Variants in CHODL observed in about 807,000 individuals in gnomAD.
CHODL encodes the protein chondrolectin.
In CHODL, 29 loss-of-function variants were observed where a neutral mutation model predicts 34.5. The ratio of observed to expected loss-of-function variants is 0.84; its 90% CI spans 0.63 to 1.15. The LOEUF (loss-of-function observed/expected upper bound fraction) is 1.15. Ranked by LOEUF, CHODL falls within the 50% of genes most tolerant of loss-of-function variation. The pLI, the probability that CHODL is intolerant of heterozygous loss-of-function variation, is 0.00. For synonymous variants in CHODL, 125 were observed against 116.1 expected, an observed-to-expected ratio of 1.08 and a Z score of -0.49; for missense variants, 332 against 332.5, an observed-to-expected ratio of 1.00 and a Z score of 0.01.
At chr21:18,132,584 C>G (rs2072670129) in intron 2 of CHODL, among the ~76,000 whole-genome samples, 1 of 152,098 alleles carries the variant, frequency 6.6e-6, no homozygotes, top group Admixed American at 6.6e-5. Context: ...TTTGTCCTCC[C>G]TTAGCTAGAA....
intron 2 of CHODL, among the ~76,000 whole-genome samples, chr21:18,084,627 AGATATTT>A (rs1268850121): frequency 6.6e-6 from 1 of 152,174 alleles, no homozygotes; most frequent in Non-Finnish European, 1.5e-5. Flanking sequence ...TGGTCTGAGA[AGATATTT>A]GATACAATTT....
chr21:17,996,947 C>T (rs372349315), intron 1 of CHODL, among the ~76,000 whole-genome samples: 10 of 151,968 alleles, frequency 6.6e-5, no homozygotes, highest in Admixed American at 1.3e-4. Context: ...TAGCTAAATA[C>T]ATATTACTTT....
At chr21:18,066,110 C>T (rs2064728640) in intron 2 of CHODL, among the ~76,000 whole-genome samples, 1 of 152,122 alleles carries the variant, frequency 6.6e-6, no homozygotes, top group African/African-American at 2.4e-5. Context: ...ATTTCTTTTT[C>T]ATGGCCCCAA....
At chr21:17,974,623 T>C (rs1489115901) in intron 1 of CHODL, among the ~76,000 whole-genome samples, 1 of 152,262 alleles carries the variant, frequency 6.6e-6, no homozygotes, top group Middle Eastern at 3.4e-3. Context: ...CTTTTAACTA[T>C]TGAAAAACGA....
At chr21:18,105,164 T>C (rs1007276258) in intron 2 of CHODL, among the ~76,000 whole-genome samples, 1 of 152,176 alleles carries the variant, frequency 6.6e-6, no homozygotes, top group African/African-American at 2.4e-5. Context: ...TGAGGAATCA[T>C]GAAGTAGTGA....
rs1042193683 is a variant in CHODL, at chr21:18,168,354, C to T, written c.-44-88155C>T. Among the ~76,000 whole-genome samples, 14 of 152,298 alleles carry T rather than the reference C, an allele frequency of 9.2e-5. No individual in the cohort carries two copies. In the East Asian group the frequency reaches 1.2e-3, roughly 13 times the overall value. On this transcript the variant is annotated intron_variant, in intron 2 of 6. Coordinates refer to the CHODL transcript ENST00000400127. ...TAATACATCTGGGGAGGCTGACTAA[C>T]GTGCCTATGGTCATAGTCAGTGGGT... is the stretch of plus-strand genomic sequence containing the variant.
At chr21:18,081,148 G>T (rs1047012103) in intron 2 of CHODL, among the ~76,000 whole-genome samples, 4 of 151,994 alleles carry the variant, frequency 2.6e-5, no homozygotes, top group Non-Finnish European at 5.9e-5. Flanking sequence ...ATCATTATTA[G>T]TGTATAGAAA....
At chr21:18,142,131 T>C (rs1389729585) in intron 2 of CHODL, among the ~76,000 whole-genome samples, 1 of 151,994 alleles carries the variant, frequency 6.6e-6, no homozygotes, top group East Asian at 1.9e-4. Context: ...AGCTAGAAAA[T>C]TGTAATTAAA....
chr21:18,129,364 G>A (rs2072624185), intron 2 of CHODL, among the ~76,000 whole-genome samples: 1 of 152,054 alleles, frequency 6.6e-6, no homozygotes, highest in Non-Finnish European at 1.5e-5. Flanking sequence ...TGCATGACAA[G>A]CCTTATTAAT....
chr21:17,987,444 T>C (rs1331180347), intron 1 of CHODL, among the ~76,000 whole-genome samples: 1 of 152,206 alleles, frequency 6.6e-6, no homozygotes, highest in African/African-American at 2.4e-5. Context: ...TTTGGCATCA[T>C]TAGTGATGTG....
intron 2 of CHODL, among the ~76,000 whole-genome samples, chr21:18,051,068 T>C (rs1322193376): frequency 2.6e-5 from 4 of 151,946 alleles, no homozygotes; most frequent in Admixed American, 6.6e-5. Context: ...CCTAATGCTA[T>C]CCCTTCCCTA....
At chr21:18,086,687 G>A (rs929003312) in intron 2 of CHODL, among the ~76,000 whole-genome samples, 1 of 152,160 alleles carries the variant, frequency 6.6e-6, no homozygotes, top group African/African-American at 2.4e-5. Flanking sequence ...AAGTTTTTCT[G>A]GGAACTTTAT....
chr21:18,114,196 A>T lies in CHODL; in HGVS notation c.-45+86225A>T, dbSNP rs890643366. Among the ~76,000 whole-genome samples, 14 of 152,312 alleles carry T rather than the reference A, an allele frequency of 9.2e-5. No homozygotes were observed. The South Asian group carries it at 2.9e-3, about 32-fold the overall frequency. ...GGATGGTTAACAGATACAAAAATAAAGAAAGAATGAATAAGACCTACTATT... is the reference window on the plus strand; with the variant it reads ...GGATGGTTAACAGATACAAAAATAATGAAAGAATGAATAAGACCTACTATT... On this transcript the variant is annotated intron_variant, in intron 2 of 6. Transcript: ENST00000400127.
chr21:17,946,709 C>T (rs953245101), intron 1 of CHODL, among the ~76,000 whole-genome samples: 1 of 152,080 alleles, frequency 6.6e-6, no homozygotes, highest in South Asian at 2.1e-4. Context: ...TTACCTGGTA[C>T]AAGTAAAGCT....
At chr21:17,974,852 A>C (rs147653618) in intron 1 of CHODL, among the ~76,000 whole-genome samples, 1 of 151,036 alleles carries the variant, frequency 6.6e-6, no homozygotes, top group African/African-American at 2.4e-5. Flanking sequence ...TGTCAGGAGA[A>C]TAGAGATTGC....
intron 1 of CHODL, among the ~76,000 whole-genome samples, chr21:18,006,635 T>C (rs1405704997): frequency 6.6e-6 from 1 of 152,230 alleles, no homozygotes; most frequent in Non-Finnish European, 1.5e-5. Context: ...ATTCTGATCT[T>C]GGAGTCAGAG....
chr21:18,099,650 C>T (rs888217339), intron 2 of CHODL, among the ~76,000 whole-genome samples: 1 of 151,958 alleles, frequency 6.6e-6, no homozygotes, highest in Admixed American at 6.6e-5. Context: ...GGAAGCCAAG[C>T]AACAATTTTT....
chr21:18,249,828 A>G lies in CHODL; in HGVS notation c.79+4526A>G, dbSNP rs111269150. The stretch of plus-strand genomic sequence containing the variant: ...ATGTCATAGGATTGCTAGGAATATT[A>G]AAAAGGTTCAAACACAGTTATGCAG... On this transcript the variant is annotated intron_variant, in intron 1 of 5. Coordinates refer to ENST00000299295, the MANE Select transcript of CHODL (RefSeq NM_024944.3). Among the ~76,000 whole-genome samples the G allele has an allele frequency of 8.5e-5, 13 of 152,260 alleles. 1 individual carries two copies. The highest frequency in any genetic ancestry group is 3.1e-4 in the African/African-American group (13 of 41,556).
intron 1 of CHODL, among the ~76,000 whole-genome samples, chr21:18,254,673 C>G (rs74665487): frequency 0.041 from 6,281 of 152,144 alleles, 420 homozygotes; most frequent in African/African-American, 0.14. Context: ...ATCCTATACA[C>G]CGTAATATCC....
Sources: allele counts gnomAD v4.1 joint callset (sites outside exome capture counted in the v4.1 genomes callset), GRCh38; gene constraint gnomAD v4.1.1; transcripts MANE v1.5; gene names NCBI Gene and HGNC (gene_info 2026-07-23, HGNC 2026-07-21).